LAMA1: variants seen among roughly 807,000 people sequenced by gnomAD.
LAMA1 encodes the protein laminin subunit alpha 1, also known as laminin subunit alpha-1.
A neutral mutation model predicts 348.7 loss-of-function variants in LAMA1; 219 were observed. The observed-to-expected ratio is 0.63, with a 90% CI of 0.56 to 0.70. LAMA1 has a LOEUF of 0.70. Among genes scored for constraint, LAMA1 ranks in the 30% least tolerant of loss-of-function variants. The probability of loss-of-function intolerance (pLI) is 0.00; values close to 1 mark genes in which losing one functional copy is unlikely to be tolerated. For missense variants in LAMA1, 3,744 were observed against 3,888.0 expected (o/e 0.96, Z 0.99); for synonymous variants, 1,487 against 1,491.0 (o/e 1.00, Z 0.06).
intron 57 of LAMA1, chr18:6,954,304 AG>A (rs1303662880): frequency 1.3e-5 from 2 of 152,288 alleles, no homozygotes; most frequent in Non-Finnish European, 2.9e-5. Context: ...CTGGGCTCGC[AG>A]GAGTGGGAGA....
intron 11 of LAMA1, chr18:7,038,434 G>C (rs554787093): frequency 1.7e-5 from 6 of 357,770 alleles, no homozygotes; most frequent in African/African-American, 1.3e-4. Flanking sequence ...CTACTCCTTA[G>C]CGTCTTTGAG....
At chr18:6,974,825 A>G in intron 46 of LAMA1, 78 bp downstream of exon 46, 3 of 1,548,986 alleles carry the variant, frequency 1.9e-6, no homozygotes, top group Non-Finnish European at 2.7e-6. Flanking sequence ...AGCCTATTAT[A>G]TGATGTTACA....
intron 47 of LAMA1, chr18:6,972,226 A>AT (rs2057661666): frequency 2.1e-6 from 1 of 477,940 alleles, no homozygotes; most frequent in African/African-American, 2.0e-5. Context: ...GTTGATGGAG[A>AT]GAATCGTGTT....
chr18:7,078,914 G>A (rs1168313012), intron 3 of LAMA1, among the ~76,000 whole-genome samples: 2 of 152,266 alleles, frequency 1.3e-5, no homozygotes, highest in Admixed American at 6.5e-5. Context: ...TTGAACCGGG[G>A]AGGCGGAAGT....
Position 7,081,848 on chromosome 18 carries a change from C to A in LAMA1, c.62-1391G>T, listed in dbSNP as rs374676387. 2.3e-4 allele frequency among the ~76,000 whole-genome samples: 35 copies of A among 152,268 alleles called. No homozygotes were observed. The East Asian group carries it at 3.5e-3, about 15-fold the overall frequency. On this transcript the variant is annotated intron_variant, in intron 1 of 62. Coordinates refer to ENST00000389658, the MANE Select transcript of LAMA1 (RefSeq NM_005559.4). ...ATCTTAAAAGATCACAGAATATAAT[C>A]TTTTCTTTGTAAAAACCATATAGAA...
intron 61 of LAMA1, among the ~76,000 whole-genome samples, chr18:6,945,427 C>T (rs773881971): frequency 1.3e-5 from 2 of 152,012 alleles, no homozygotes; most frequent in African/African-American, 2.4e-5. Context: ...CAAAACCCAG[C>T]GGGGAGTAAG....
chr18:7,027,590 C>A lies in LAMA1; in HGVS notation c.2275-1484G>T, dbSNP rs574992838. Among the ~76,000 whole-genome samples the A allele has an allele frequency of 3.0e-4, 46 of 151,274 alleles. 1 individual carries two copies. The South Asian group carries it at 9.2e-3, about 30-fold the overall frequency. ...CAATCAGGGGAAAAAAAAAACAAAA[C>A]CCAGTCATTAGAAACATGTCCACAA... On this transcript the variant is annotated intron_variant, in intron 16 of 62. Coordinates refer to ENST00000389658, the MANE Select transcript of LAMA1 (RefSeq NM_005559.4).
At chr18:7,103,114 G>T (rs1598321418) in intron 1 of LAMA1, among the ~76,000 whole-genome samples, 1 of 152,296 alleles carries the variant, frequency 6.6e-6, no homozygotes, top group Non-Finnish European at 1.5e-5. Context: ...TTGTATTCTG[G>T]TTTAGAATGT....
intron 3 of LAMA1, among the ~76,000 whole-genome samples, chr18:7,060,558 T>C (rs892086994): frequency 6.6e-6 from 1 of 152,164 alleles, no homozygotes; most frequent in African/African-American, 2.4e-5. Flanking sequence ...TCTCAGACAA[T>C]CTAGGAATGC....
intron 36 of LAMA1, among the ~76,000 whole-genome samples, chr18:6,991,060 C>T (rs577808377): frequency 2.6e-5 from 4 of 152,178 alleles, no homozygotes; most frequent in Admixed American, 2.0e-4. Context: ...CCCAGGACCA[C>T]GTCCTCCTCT....
chr18:7,003,160 T>C (rs2057815576), intron 29 of LAMA1, among the ~76,000 whole-genome samples: 3 of 151,992 alleles, frequency 2.0e-5, no homozygotes. Flanking sequence ...TGGGACGACA[T>C]GCACGAGCCA....
chr18:7,032,802 T>C (rs1018828024), intron 15 of LAMA1, among the ~76,000 whole-genome samples, 182 bp downstream of exon 15: 1 of 152,196 alleles, frequency 6.6e-6, no homozygotes, highest in Non-Finnish European at 1.5e-5. Flanking sequence ...CCATTCCTGG[T>C]GGAGGAATCT....
intron 20 of LAMA1, 81 bp from the exon 21 acceptor site, chr18:7,016,752 C>T: frequency 8.1e-7 from 1 of 1,230,098 alleles, no homozygotes; most frequent in South Asian, 1.4e-5. Flanking sequence ...TTCCAGAACA[C>T]ACACAGGGTA....
chr18:6,982,169 T>C (rs1324697376), intron 41 of LAMA1, among the ~76,000 whole-genome samples: 1 of 151,854 alleles, frequency 6.6e-6, no homozygotes, highest in Non-Finnish European at 1.5e-5. Context: ...GCACACGCAA[T>C]CAAAGATAAC....
At chr18:6,991,425 C>G (rs1380360481) in intron 36 of LAMA1, among the ~76,000 whole-genome samples, 6 of 126,722 alleles carry the variant, frequency 4.7e-5, no homozygotes, top group Non-Finnish European at 3.1e-5. Flanking sequence ...GAGTCTTGCT[C>G]TGTCGCCCAG....
chr18:7,033,164 G>T (rs897558801), intron 14 of LAMA1, 69 bp from the exon 15 acceptor site: 1 of 1,139,536 alleles, frequency 8.8e-7, no homozygotes, highest in Non-Finnish European at 1.3e-6. Flanking sequence ...ATGAAGATGG[G>T]CTCCTAAAAG....
chr18:7,114,824 T>C (rs919837307), intron 1 of LAMA1, among the ~76,000 whole-genome samples: 1 of 152,186 alleles, frequency 6.6e-6, no homozygotes, highest in Non-Finnish European at 1.5e-5. Flanking sequence ...TCAAGGATCA[T>C]TACCCTGAAA....
chr18:7,055,453 C>CAA (rs57670126), intron 3 of LAMA1, among the ~76,000 whole-genome samples: 46 of 61,348 alleles, frequency 7.5e-4, no homozygotes, highest in Admixed American at 1.1e-3. Flanking sequence ...AACTCCGTCT[C>CAA]AAAAAAAAAA....
At chr18:7,090,663 A>G (rs1408256681) in intron 1 of LAMA1, among the ~76,000 whole-genome samples, 1 of 148,660 alleles carries the variant, frequency 6.7e-6, no homozygotes, top group Non-Finnish European at 1.5e-5. Context: ...ACAGGGAGAG[A>G]TATTGAAAGA....
Sources: gnomAD v4.1 joint callset for allele counts (sites outside exome capture counted in the v4.1 genomes callset) on GRCh38, gnomAD v4.1.1 for gene constraint, MANE v1.5 for transcripts, NCBI Gene and HGNC (gene_info 2026-07-23, HGNC 2026-07-21) for gene names.